TLN2: variants seen among roughly 807,000 people sequenced by gnomAD.
The protein encoded by TLN2 is talin 2, also known as talin-2.
Under a neutral mutation model 294.7 loss-of-function variants are expected in TLN2, and 118 were observed. That is an observed-to-expected ratio of 0.40 (90% CI 0.34 to 0.47). The LOEUF is 0.47. TLN2 is among the 20% of genes least tolerant of loss of function. The probability of loss-of-function intolerance (pLI) is 0.84; values close to 1 mark genes in which losing one functional copy is unlikely to be tolerated. For missense variants in TLN2, 3,083 were observed against 3,282.2 expected (o/e 0.94, Z 1.48); for synonymous variants, 1,431 against 1,304.5 (o/e 1.10, Z -2.09).
chr15:62,759,855 G>T (rs2062553462), intron 37 of TLN2, among the ~76,000 whole-genome samples: 1 of 152,216 alleles, frequency 6.6e-6, no homozygotes, highest in South Asian at 2.1e-4. Flanking sequence ...GCCCATCTGT[G>T]TCAGGCTCCT....
intron 41 of TLN2, among the ~76,000 whole-genome samples, chr15:62,768,666 C>G (rs2141041320): frequency 6.6e-6 from 1 of 152,284 alleles, no homozygotes; most frequent in African/African-American, 2.4e-5. Context: ...AATGCATGTG[C>G]TAACCCAAGG....
At chr15:62,572,618 T>C (rs2043980441) in intron 1 of TLN2, among the ~76,000 whole-genome samples, 1 of 152,240 alleles carries the variant, frequency 6.6e-6, no homozygotes, top group Non-Finnish European at 1.5e-5. Flanking sequence ...GCCTGAGTTC[T>C]GGATGTACGT....
intron 9 of TLN2, among the ~76,000 whole-genome samples, chr15:62,670,170 G>A (rs2055228141): frequency 6.6e-6 from 1 of 152,116 alleles, no homozygotes. Context: ...GCCCTTTTTG[G>A]GTGCTTTTGT....
At chr15:62,447,434 T>G (rs2035881450) in intron 1 of TLN2, among the ~76,000 whole-genome samples, 2 of 151,626 alleles carry the variant, frequency 1.3e-5, no homozygotes, top group Admixed American at 1.3e-4. Flanking sequence ...GCTTCACACT[T>G]CAAAATCTCT....
At position 62,736,509 on chromosome 15, in the gene TLN2, A is replaced by C. The variant is rs545167035; in HGVS notation, c.3359-369A>C. Among the ~76,000 whole-genome samples the C allele has an allele frequency of 9.9e-5, 15 of 152,220 alleles. No homozygotes were observed. In the East Asian group the frequency reaches 2.9e-3, roughly 30 times the overall value. ...ACTGTAAGTTATGCCCCAGAAAGGCAATTGAGAAGAAAGGTGCTTTTAAAT... is the reference window on the plus strand; with the variant it reads ...ACTGTAAGTTATGCCCCAGAAAGGCCATTGAGAAGAAAGGTGCTTTTAAAT... On this transcript the variant is annotated intron_variant, in intron 28 of 58. Transcript: ENST00000636159.
At chr15:62,443,396 T>C (rs1448851237) in intron 1 of TLN2, among the ~76,000 whole-genome samples, 1 of 152,204 alleles carries the variant, frequency 6.6e-6, no homozygotes, top group East Asian at 1.9e-4. Context: ...ACACTGACAT[T>C]AATTGGCAAA....
At chr15:62,554,287 T>C (rs1318955880) in intron 1 of TLN2, among the ~76,000 whole-genome samples, 1 of 150,276 alleles carries the variant, frequency 6.7e-6, no homozygotes, top group Non-Finnish European at 1.5e-5. Context: ...ATAGGGACTA[T>C]TTAATAGTAT....
intron 1 of TLN2, among the ~76,000 whole-genome samples, chr15:62,517,584 A>T (rs1053741101): frequency 6.6e-6 from 1 of 152,158 alleles, no homozygotes; most frequent in Non-Finnish European, 1.5e-5. Context: ...TTAATTTTGT[A>T]CCCCTTTTGT....
chr15:62,416,476 C>A (rs933460639), intron 1 of TLN2, among the ~76,000 whole-genome samples: 1 of 152,114 alleles, frequency 6.6e-6, no homozygotes, highest in Non-Finnish European at 1.5e-5. Flanking sequence ...AGAAATATTG[C>A]TCTTTTGTGT....
intron 1 of TLN2, among the ~76,000 whole-genome samples, chr15:62,580,937 G>T (rs557532831): frequency 2.0e-5 from 3 of 149,162 alleles, no homozygotes; most frequent in Non-Finnish European, 3.0e-5. Context: ...AGGCTGGAGT[G>T]CAATGACAGG....
chr15:62,697,875 C>T lies in TLN2; in HGVS notation c.1473+7C>T. On this transcript the variant is annotated splice_region_variant and intron_variant, in intron 15 of 58. Transcript: ENST00000636159. ...AGGCCACATGCCGCCACTGGTGAGGCTTCCTGTGCTCGTCCCCCACTCGTT... is the reference window on the plus strand; with the variant it reads ...AGGCCACATGCCGCCACTGGTGAGGTTTCCTGTGCTCGTCCCCCACTCGTT... 1.2e-6 allele frequency: 2 copies of T among 1,610,378 alleles called. No homozygotes were observed. The highest frequency in any genetic ancestry group is 1.7e-6 in the Non-Finnish European group (2 of 1,179,048).
chr15:62,617,389 A>G (rs1452445721), intron 2 of TLN2, among the ~76,000 whole-genome samples: 1 of 152,158 alleles, frequency 6.6e-6, no homozygotes, highest in East Asian at 1.9e-4. Context: ...TGGTTTTGGC[A>G]TCTCAGTCTG....
At chr15:62,598,475 C>T (rs924045301) in intron 2 of TLN2, among the ~76,000 whole-genome samples, 7 of 151,958 alleles carry the variant, frequency 4.6e-5, no homozygotes, top group Admixed American at 6.5e-5. Context: ...TTCTGCTGTG[C>T]GTGGACAGGG....
At chr15:62,475,754 G>C (rs1329855454) in intron 1 of TLN2, among the ~76,000 whole-genome samples, 2 of 152,174 alleles carry the variant, frequency 1.3e-5, no homozygotes, top group Non-Finnish European at 2.9e-5. Flanking sequence ...AGTTTGGCTG[G>C]TGCAAGTCAT....
At chr15:62,743,089 G>A (rs1398414112) in intron 32 of TLN2, among the ~76,000 whole-genome samples, 2 of 152,174 alleles carry the variant, frequency 1.3e-5, no homozygotes, top group Non-Finnish European at 2.9e-5. Flanking sequence ...CCCTGGTGGA[G>A]TTAGGCAGGA....
At chr15:62,553,077 G>A (rs2042412896) in intron 1 of TLN2, among the ~76,000 whole-genome samples, 1 of 152,190 alleles carries the variant, frequency 6.6e-6, no homozygotes, top group Non-Finnish European at 1.5e-5. Context: ...AATAATTGCT[G>A]AGTCAAAGGA....
At chr15:62,754,646 G>A (rs912112804) in intron 36 of TLN2, 1 of 152,436 alleles carries the variant, frequency 6.6e-6, no homozygotes, top group South Asian at 2.1e-4. Flanking sequence ...TGAGGCAGGA[G>A]AAGGGCCTGA....
chr15:62,674,759 C>T (rs2055954221), intron 10 of TLN2, among the ~76,000 whole-genome samples: 1 of 152,170 alleles, frequency 6.6e-6, no homozygotes, highest in Non-Finnish European at 1.5e-5. Flanking sequence ...ACCTTGGCCT[C>T]CCAAACTGTT....
At chr15:62,763,960 A>T (rs7350775) in intron 40 of TLN2, among the ~76,000 whole-genome samples, 91,427 of 151,958 alleles carry the variant, frequency 0.6, 28,666 homozygotes, top group Non-Finnish European at 0.69. Flanking sequence ...GAGGGAAAAT[A>T]TCAATATCAA....
Sources: gnomAD v4.1 joint callset for allele counts (sites outside exome capture counted in the v4.1 genomes callset) on GRCh38, gnomAD v4.1.1 for gene constraint, MANE v1.5 for transcripts, NCBI Gene and HGNC (gene_info 2026-07-23, HGNC 2026-07-21) for gene names.